The following ADAM12 variants were observed in gnomAD, a reference collection of about 807,000 sequenced individuals.
ADAM12 encodes disintegrin and metalloproteinase domain-containing protein 12.
Under a neutral mutation model 106.4 loss-of-function variants are expected in ADAM12, and 70 were observed. The ratio of observed to expected loss-of-function variants is 0.66; its 90% CI spans 0.54 to 0.80. The LOEUF (loss-of-function observed/expected upper bound fraction) is 0.80. Ranked by LOEUF, ADAM12 falls within the 30% of genes least tolerant of loss-of-function variation. ADAM12 has a pLI of 0.00. For synonymous variants in ADAM12, 420 were observed against 433.5 expected (o/e 0.97, Z 0.39); for missense variants, 1,010 against 1,171.9 (o/e 0.86, Z 2.02).
intron 3 of ADAM12, among the ~76,000 whole-genome samples, chr10:126,225,708 C>T (rs528177505): frequency 6.6e-6 from 1 of 152,174 alleles, no homozygotes; most frequent in African/African-American, 2.4e-5. Context: ...TCAGCACAAA[C>T]CATGTTCAGC....
chr10:126,038,948 A>ATTTTT (rs1590319092), intron 19 of ADAM12, among the ~76,000 whole-genome samples: 4 of 100,576 alleles, frequency 4.0e-5, no homozygotes, highest in African/African-American at 1.4e-4. Flanking sequence ...CTGAGACACC[A>ATTTTT]TTTCTTTTTT....
At chr10:126,039,743 G>C (rs1954126989) in intron 18 of ADAM12, among the ~76,000 whole-genome samples, 1 of 152,250 alleles carries the variant, frequency 6.6e-6, no homozygotes, top group Admixed American at 6.5e-5. Context: ...GGTAGCCACA[G>C]AAGGTAGCAG....
intron 1 of ADAM12, among the ~76,000 whole-genome samples, chr10:126,361,681 T>C (rs1463394333): frequency 6.6e-6 from 1 of 152,148 alleles, no homozygotes; most frequent in African/African-American, 2.4e-5. Context: ...GGATACATGA[T>C]AGAAAAAGTG....
At chr10:126,250,406 G>A (rs1042813491) in intron 3 of ADAM12, among the ~76,000 whole-genome samples, 1 of 151,962 alleles carries the variant, frequency 6.6e-6, no homozygotes, top group African/African-American at 2.4e-5. Flanking sequence ...GTGTGTGTGT[G>A]TAGTCAAGTT....
chr10:126,313,117 G>A (rs1192591498), intron 2 of ADAM12, among the ~76,000 whole-genome samples: 1 of 152,198 alleles, frequency 6.6e-6, no homozygotes, highest in African/African-American at 2.4e-5. Context: ...ACCTGAGCCT[G>A]CAGCTTGGCT....
chr10:126,164,461 T>C (rs889954950), intron 3 of ADAM12, among the ~76,000 whole-genome samples: 4 of 152,210 alleles, frequency 2.6e-5, no homozygotes, highest in African/African-American at 9.7e-5. Context: ...AATTACAAAA[T>C]CATTCATATG....
In ADAM12 at chr10:126,155,215, T is replaced by G; in HGVS notation, c.339+12A>C. 1.2e-6 allele frequency: 2 copies of G among 1,613,530 alleles called. No homozygotes were observed. ...GTGTAAGATTATGGTGATCCCAACG[T>G]GCCAGAATTACCGTGTAATTTCGAG... On this transcript the variant is annotated intron_variant, in intron 4 of 22. Coordinates refer to ENST00000448723, the MANE Select transcript of ADAM12 (RefSeq NM_001288973.2).
At chr10:126,039,614 C>T (rs903860115) in intron 18 of ADAM12, among the ~76,000 whole-genome samples, 185 bp from the exon 19 acceptor site, 1 of 152,222 alleles carries the variant, frequency 6.6e-6, no homozygotes, top group African/African-American at 2.4e-5. Context: ...ATCTATGTTA[C>T]CATCATTCAT....
intron 2 of ADAM12, among the ~76,000 whole-genome samples, chr10:126,285,777 G>A (rs2886736): frequency 0.1 from 15,511 of 152,158 alleles, 925 homozygotes; most frequent in East Asian, 0.16. Context: ...GACTCCCCTT[G>A]AGATGGCAAG....
chr10:126,307,637 T>C (rs1484922393), intron 2 of ADAM12, among the ~76,000 whole-genome samples: 2 of 152,040 alleles, frequency 1.3e-5, no homozygotes, highest in Non-Finnish European at 2.9e-5. Context: ...GCCTCCCAGG[T>C]TCAAGCGATT....
intron 5 of ADAM12, among the ~76,000 whole-genome samples, chr10:126,125,755 A>G (rs936155365): frequency 7.2e-5 from 11 of 151,884 alleles, no homozygotes; most frequent in Non-Finnish European, 1.2e-4. Context: ...TTGCAAATGT[A>G]ATTAGATTAA....
At chr10:126,304,986 C>T (rs1960784555) in intron 2 of ADAM12, among the ~76,000 whole-genome samples, 1 of 151,788 alleles carries the variant, frequency 6.6e-6, no homozygotes, top group Admixed American at 6.6e-5. Flanking sequence ...TAATGTATAC[C>T]TTGGTGAGGA....
intron 3 of ADAM12, among the ~76,000 whole-genome samples, chr10:126,166,411 G>A (rs1412235074): frequency 6.8e-6 from 1 of 147,500 alleles, no homozygotes; most frequent in South Asian, 2.3e-4. Flanking sequence ...AAGGCTTTGG[G>A]CTGTTTTCTC....
intron 2 of ADAM12, among the ~76,000 whole-genome samples, chr10:126,312,196 C>T (rs999517244): frequency 2.0e-5 from 3 of 150,980 alleles, no homozygotes; most frequent in East Asian, 2.0e-4. Context: ...GTCAAGACCA[C>T]GGTTTGCATT....
intron 1 of ADAM12, among the ~76,000 whole-genome samples, chr10:126,381,398 G>GC (rs2133936051): frequency 6.6e-6 from 1 of 152,142 alleles, no homozygotes; most frequent in South Asian, 2.1e-4. Flanking sequence ...AACACTTTTG[G>GC]GGGGCTGCGG....
At chr10:126,317,221 C>A (rs1480716845) in intron 2 of ADAM12, among the ~76,000 whole-genome samples, 2 of 152,112 alleles carry the variant, frequency 1.3e-5, no homozygotes, top group African/African-American at 4.8e-5. Context: ...TGGGGTGGGA[C>A]CTGCCAGGTG....
At chr10:126,076,784 A>G (rs1955110407) in intron 11 of ADAM12, among the ~76,000 whole-genome samples, 1 of 152,016 alleles carries the variant, frequency 6.6e-6, no homozygotes, top group Non-Finnish European at 1.5e-5. Context: ...GTTTGTGAAT[A>G]TTTTCTCCCA....
At chr10:126,209,800 C>T (rs1957865768) in intron 3 of ADAM12, among the ~76,000 whole-genome samples, 3 of 152,162 alleles carry the variant, frequency 2.0e-5, no homozygotes, top group African/African-American at 7.2e-5. Flanking sequence ...TTTTCCTTTA[C>T]CGTAACTCCC....
intron 2 of ADAM12, among the ~76,000 whole-genome samples, chr10:126,327,083 T>C (rs1477583489): frequency 5.3e-5 from 8 of 150,590 alleles, no homozygotes; most frequent in African/African-American, 1.9e-4. Flanking sequence ...TATGGCACCA[T>C]AGGATGAAGA....
Sources: gnomAD v4.1 joint callset for allele counts (sites outside exome capture counted in the v4.1 genomes callset) on GRCh38, gnomAD v4.1.1 for gene constraint, MANE v1.5 for transcripts, NCBI Gene and HGNC (gene_info 2026-07-23, HGNC 2026-07-21) for gene names.